Variants in PGBD2 observed in about 807,000 individuals in gnomAD.
PGBD2 encodes piggyBac transposable element derived 2, also known as piggyBac transposable element-derived protein 2.
PGBD2 carries 6 observed loss-of-function variants against 8.1 expected under a neutral mutation model. That is an observed-to-expected ratio of 0.74 (90% CI 0.40 to 1.46). PGBD2 has a LOEUF of 1.46. Among genes scored for constraint, PGBD2 ranks in the 40% most tolerant of loss-of-function variants. The pLI, the probability that PGBD2 is intolerant of heterozygous loss-of-function variation, is 0.02. For synonymous variants in PGBD2, 318 were observed against 272.2 expected, an observed-to-expected ratio of 1.17 and a Z score of -1.66; for missense variants, 802 against 739.0, an observed-to-expected ratio of 1.09 and a Z score of -0.99.
At chr1:248,873,431 A>G in the PGBD2 span, among the ~76,000 whole-genome samples, 73 of 152,366 alleles carry the variant, frequency 4.8e-4, no homozygotes, top group African/African-American at 1.7e-3. Context: ...GAAAGCCGCT[A>G]TAATAATGAT....
In PGBD2 at chr1:248,917,871, G is replaced by A. The variant is rs201115457; in HGVS notation, c.1287G>A (p.Glu429=). The A allele has an allele frequency of 3.1e-6, 5 of 1,614,262 alleles. No homozygotes were observed. In the East Asian group the frequency reaches 1.1e-4, roughly 36 times the overall value. The part of the protein sequence containing the change: ...VNICSNAVGI[E]PVRLTSRHSG... ...TTTGCTCCAATGCTGTGGGCATAGA[G>A]CCAGTGAGGCTGACCAGTCGTCACT... is the stretch of plus-strand genomic sequence containing the variant. Residue 429 remains glutamate (E), a synonymous_variant, in exon 3 of 3, where the codon GAG becomes GAA. Coordinates refer to ENST00000329291, the MANE Select transcript of PGBD2 (RefSeq NM_170725.3).
At chr1:248,912,527 C>T (rs1276604228) in intron 1 of PGBD2, among the ~76,000 whole-genome samples, 1 of 152,196 alleles carries the variant, frequency 6.6e-6, no homozygotes. Flanking sequence ...AAACAGTACT[C>T]TGCACTTAAG....
At chr1:248,906,022 T>C (rs1661619177), upstream of PGBD2, among the ~76,000 whole-genome samples, 2 of 151,848 alleles carry the variant, frequency 1.3e-5, no homozygotes, top group South Asian at 2.1e-4. Context: ...GTTTCCAAAG[T>C]AGGACAGGGG....
chr1:248,898,716 C>T, the PGBD2 span, among the ~76,000 whole-genome samples: 1 of 152,114 alleles, frequency 6.6e-6, no homozygotes, highest in Non-Finnish European at 1.5e-5. Context: ...TACAAAATAA[C>T]CAGCTAGCAT....
At chr1:248,903,896 C>T (rs976101242), upstream of PGBD2, among the ~76,000 whole-genome samples, 2 of 152,162 alleles carry the variant, frequency 1.3e-5, no homozygotes, top group East Asian at 3.8e-4. Flanking sequence ...TTAATTGCTG[C>T]TATGTACTAA....
At chr1:248,883,572 T>C in the PGBD2 span, among the ~76,000 whole-genome samples, 1 of 147,052 alleles carries the variant, frequency 6.8e-6, no homozygotes, top group African/African-American at 2.5e-5. Flanking sequence ...GCTGATAGTT[T>C]CTTTTTTTTT....
downstream of PGBD2, chr1:248,919,285 A>G (rs1225667396): frequency 1.2e-5 from 2 of 166,446 alleles, no homozygotes; most frequent in East Asian, 1.9e-4. Flanking sequence ...CTGTGTGTCC[A>G]TGAGTTCAAT....
At chr1:248,927,833 T>C in the PGBD2 span, among the ~76,000 whole-genome samples, 1 of 152,064 alleles carries the variant, frequency 6.6e-6, no homozygotes, top group African/African-American at 2.4e-5. Flanking sequence ...AGATAGATGA[T>C]AGGCAGGTAG....
At chr1:248,912,660 C>T (rs1661939231) in intron 1 of PGBD2, 2 of 152,180 alleles carry the variant, frequency 1.3e-5, no homozygotes, top group Non-Finnish European at 2.9e-5. Context: ...CATATTAACA[C>T]ATTTTGCCAT....
In PGBD2 at chr1:248,917,547, C is replaced by G; in HGVS notation, c.963C>G (p.Asp321Glu). ...AGGGCACACTGTTTACCAAGCCAGA[C>G]AGGAGCTTGGATCTAGGAGGCAGTA... ...PSQGTLFTKPDRSLDLGGSMV... is the reference protein window; with the variant it reads ...PSQGTLFTKPERSLDLGGSMV... Residue 321 changes from aspartate to glutamate, a missense_variant, in exon 3 of 3, where the codon GAC (aspartate) becomes GAG (glutamate). Asp to Glu is a conservative substitution (Grantham distance 45, BLOSUM62 2). Transcript: ENST00000329291. 6.2e-7 allele frequency: 1 copy of G among 1,614,186 alleles called. No homozygotes were observed. The highest frequency in any genetic ancestry group is 8.5e-7 in the Non-Finnish European group (1 of 1,180,026).
the PGBD2 span, among the ~76,000 whole-genome samples, chr1:248,882,142 CA>C: frequency 6.6e-6 from 1 of 152,216 alleles, no homozygotes; most frequent in Admixed American, 6.5e-5. Context: ...TAGACACACA[CA>C]AGATAGTGAA....
upstream of PGBD2, among the ~76,000 whole-genome samples, chr1:248,902,437 T>A (rs1190746132): frequency 6.6e-6 from 1 of 152,186 alleles, no homozygotes; most frequent in Non-Finnish European, 1.5e-5. Context: ...GACAGTGTGG[T>A]GATTCCTCAA....
the PGBD2 span, among the ~76,000 whole-genome samples, chr1:248,895,892 T>C: frequency 2.0e-5 from 3 of 151,934 alleles, no homozygotes; most frequent in Non-Finnish European, 4.4e-5. Context: ...TTCACCATGT[T>C]GGCCAGGATG....
At chr1:248,892,096 T>G in the PGBD2 span, among the ~76,000 whole-genome samples, 1 of 152,210 alleles carries the variant, frequency 6.6e-6, no homozygotes, top group African/African-American at 2.4e-5. Context: ...TTCCAAAGAA[T>G]GGAAGTCAGT....
At chr1:248,909,963 G>A (rs1661807362) in intron 1 of PGBD2, among the ~76,000 whole-genome samples, 1 of 152,222 alleles carries the variant, frequency 6.6e-6, no homozygotes, top group Non-Finnish European at 1.5e-5. Flanking sequence ...AGGCTGTGAA[G>A]ATGGGCTCAT....
the PGBD2 span, among the ~76,000 whole-genome samples, chr1:248,929,846 G>C: frequency 2.0e-4 from 31 of 152,280 alleles, 1 homozygote; most frequent in Admixed American, 1.6e-3. Flanking sequence ...AGAAATGCAC[G>C]TCTTTTTTCT....
the PGBD2 span, among the ~76,000 whole-genome samples, chr1:248,880,516 C>T: frequency 6.6e-6 from 1 of 152,166 alleles, no homozygotes; most frequent in Non-Finnish European, 1.5e-5. Flanking sequence ...GTTCTATATT[C>T]ATCACTCATC....
intron 2 of PGBD2, among the ~76,000 whole-genome samples, chr1:248,916,198 G>C (rs1558288458): frequency 6.6e-6 from 1 of 152,116 alleles, no homozygotes; most frequent in African/African-American, 2.4e-5. Context: ...TGGATCACGA[G>C]GTCAGGAGAT....
chr1:248,927,075 A>T, the PGBD2 span, among the ~76,000 whole-genome samples: 6 of 152,180 alleles, frequency 3.9e-5, no homozygotes, highest in African/African-American at 1.4e-4. Context: ...GATGCAAAGA[A>T]ATGCTGTAGC....
Sources: allele counts gnomAD v4.1 joint callset (sites outside exome capture counted in the v4.1 genomes callset), GRCh38; gene constraint gnomAD v4.1.1; transcripts MANE v1.5; gene names NCBI Gene and HGNC (gene_info 2026-07-23, HGNC 2026-07-21).